Variants in TAS2R1 observed in about 807,000 individuals in gnomAD.
TAS2R1 encodes taste receptor type 2 member 1.
For synonymous variants in TAS2R1, 141 were observed against 134.2 expected (o/e 1.05, Z -0.35); for missense variants, 370 against 353.4 (o/e 1.05, Z -0.38).
the TAS2R1 span, among the ~76,000 whole-genome samples, chr5:9,763,247 G>A: frequency 6.6e-6 from 1 of 152,194 alleles, no homozygotes; most frequent in African/African-American, 2.4e-5. Context: ...GCTCACGCCT[G>A]TAATCCCAAC....
the TAS2R1 span, among the ~76,000 whole-genome samples, chr5:9,758,722 A>T: frequency 6.6e-6 from 1 of 152,232 alleles, no homozygotes. Flanking sequence ...TTAAACTTCT[A>T]CAGCCACTTG....
the TAS2R1 span, among the ~76,000 whole-genome samples, chr5:9,750,731 CA>C: frequency 6.6e-6 from 1 of 152,094 alleles, no homozygotes; most frequent in South Asian, 2.1e-4. Context: ...TGATCAAGTA[CA>C]AAATTACCAA....
the TAS2R1 span, among the ~76,000 whole-genome samples, chr5:9,877,131 C>T: frequency 6.6e-6 from 1 of 152,208 alleles, no homozygotes; most frequent in African/African-American, 2.4e-5. Context: ...TTAAACTCCT[C>T]CTGAAATGGG....
the TAS2R1 span, among the ~76,000 whole-genome samples, chr5:9,890,620 A>G: frequency 1.3e-5 from 2 of 152,262 alleles, no homozygotes; most frequent in African/African-American, 4.8e-5. Flanking sequence ...GACATAAAAG[A>G]GTATTTGAAA....
intron 1 of TAS2R1, among the ~76,000 whole-genome samples, chr5:9,669,734 C>A (rs187589154): frequency 6.6e-6 from 1 of 152,214 alleles, no homozygotes. Flanking sequence ...ATACAGCACA[C>A]TAGAATCTCT....
the TAS2R1 span, among the ~76,000 whole-genome samples, chr5:9,796,084 C>A: frequency 6.6e-6 from 1 of 152,060 alleles, no homozygotes; most frequent in East Asian, 1.9e-4. Flanking sequence ...CTTCAAGAGC[C>A]AGAATAAACT....
At chr5:9,731,583 T>G in the TAS2R1 span, among the ~76,000 whole-genome samples, 8 of 152,318 alleles carry the variant, frequency 5.3e-5, no homozygotes, top group South Asian at 1.7e-3. Context: ...CACCTGCAGT[T>G]TCCTCTTTCT....
At chr5:9,653,390 C>A (rs1296526699) in intron 2 of TAS2R1, among the ~76,000 whole-genome samples, 3 of 151,990 alleles carry the variant, frequency 2.0e-5, no homozygotes, top group Non-Finnish European at 4.4e-5. Context: ...ATGTATAGAC[C>A]ACATTTTGCT....
the TAS2R1 span, among the ~76,000 whole-genome samples, chr5:9,773,177 T>C: frequency 3.9e-5 from 6 of 152,222 alleles, no homozygotes; most frequent in Non-Finnish European, 4.4e-5. Context: ...TGTGTATCTG[T>C]CATATGTTTT....
the TAS2R1 span, among the ~76,000 whole-genome samples, chr5:9,826,201 T>G: frequency 1.3e-5 from 2 of 152,198 alleles, no homozygotes; most frequent in Non-Finnish European, 2.9e-5. Flanking sequence ...TAAAATAATT[T>G]TTGTATAATG....
chr5:9,630,447 T>C (rs1232171094), upstream of TAS2R1: 1 of 169,418 alleles, frequency 5.9e-6, no homozygotes, highest in East Asian at 1.9e-4. Context: ...CTTAATGTTA[T>C]CGTGTACTCT....
At chr5:9,855,633 A>C in the TAS2R1 span, among the ~76,000 whole-genome samples, 1 of 152,250 alleles carries the variant, frequency 6.6e-6, no homozygotes, top group Admixed American at 6.5e-5. Flanking sequence ...AGTCTGCCAG[A>C]CTGGAGAGAG....
At chr5:9,735,428 T>G in the TAS2R1 span, among the ~76,000 whole-genome samples, 1 of 151,536 alleles carries the variant, frequency 6.6e-6, no homozygotes, top group Non-Finnish European at 1.5e-5. Context: ...AAGATTAATA[T>G]TTACAAAAGG....
At chr5:9,754,116 T>C in the TAS2R1 span, among the ~76,000 whole-genome samples, 258 of 152,302 alleles carry the variant, frequency 1.7e-3, 2 homozygotes, top group African/African-American at 5.6e-3. Context: ...TGCAAATCAA[T>C]AAACGTAATC....
chr5:9,813,710 C>A, the TAS2R1 span, among the ~76,000 whole-genome samples: 1 of 152,168 alleles, frequency 6.6e-6, no homozygotes, highest in Non-Finnish European at 1.5e-5. Flanking sequence ...TAAATAAAGT[C>A]ATATATGACT....
At chr5:9,725,337 C>G in the TAS2R1 span, among the ~76,000 whole-genome samples, 3 of 152,186 alleles carry the variant, frequency 2.0e-5, no homozygotes. Context: ...ACCGGGGCTG[C>G]GCGCGGAGCT....
At chr5:9,756,747 C>T in the TAS2R1 span, among the ~76,000 whole-genome samples, 2 of 152,010 alleles carry the variant, frequency 1.3e-5, no homozygotes, top group Non-Finnish European at 2.9e-5. Flanking sequence ...AGGAGCTGAT[C>T]TTTGCAAGGC....
At chr5:9,871,402 C>T in the TAS2R1 span, among the ~76,000 whole-genome samples, 2 of 152,204 alleles carry the variant, frequency 1.3e-5, no homozygotes, top group Admixed American at 1.3e-4. Context: ...GCCATAATTA[C>T]TATTCACAGG....
chr5:9,810,612 A>G, the TAS2R1 span, among the ~76,000 whole-genome samples: 1 of 152,146 alleles, frequency 6.6e-6, no homozygotes. Context: ...GCACAAGAGA[A>G]CTGCTAGAGG....
Sources: allele counts gnomAD v4.1 joint callset (sites outside exome capture counted in the v4.1 genomes callset), GRCh38; gene constraint gnomAD v4.1.1; transcripts MANE v1.5; gene names NCBI Gene and HGNC (gene_info 2026-07-23, HGNC 2026-07-21).